Variants in ZNF91 observed in about 807,000 individuals in gnomAD.
ZNF91 encodes zinc finger protein 91 (HPF7, HTF10).
In ZNF91, 7 loss-of-function variants were observed where a neutral mutation model predicts 12.6. The ratio of observed to expected loss-of-function variants is 0.55; its 90% CI spans 0.31 to 1.04. The LOEUF is 1.04. ZNF91 is among the 50% of genes least tolerant of loss of function. The pLI is 0.05. For synonymous variants in ZNF91, 453 were observed against 462.6 expected, an observed-to-expected ratio of 0.98 and a Z score of 0.27; for missense variants, 1,217 against 1,385.4, an observed-to-expected ratio of 0.88 and a Z score of 1.93.
chr19:23,362,207 T>C lies in ZNF91; in HGVS notation c.772A>G (p.Ile258Val), dbSNP rs1016784727. Reference protein sequence around the residue: ...KQLSTLTTHKIICAKEKIYKC... With the variant: ...KQLSTLTTHKVICAKEKIYKC... ...TAGATTTTCTCTTTAGCACAGATTA[T>C]TTTATGTGTAGTAAGGGTTGAGAGC... The change falls in exon 4 of 4, where the codon ATA (isoleucine) becomes GTA (valine). Residue 258 changes from isoleucine (I) to valine (V), a missense_variant. Transcript: ENST00000300619. 1 of 1,613,036 alleles carries C rather than the reference T, an allele frequency of 6.2e-7. No individual in the cohort carries two copies. The highest frequency in any genetic ancestry group is 8.5e-7 in the Non-Finnish European group (1 of 1,179,322).
chr19:23,393,738 G>A (rs746204423), intron 1 of ZNF91, among the ~76,000 whole-genome samples: 2 of 152,126 alleles, frequency 1.3e-5, no homozygotes, highest in African/African-American at 2.4e-5. Flanking sequence ...GGTGGCTCAC[G>A]TCTGTAATCC....
At chr19:23,333,085 C>G (rs1433710149) in intron 1 of ZNF91, among the ~76,000 whole-genome samples, 1 of 152,126 alleles carries the variant, frequency 6.6e-6, no homozygotes, top group Non-Finnish European at 1.5e-5. Flanking sequence ...ATGGGGGACT[C>G]TCTTATCTTT....
downstream of ZNF91, among the ~76,000 whole-genome samples, chr19:23,353,686 A>G (rs1195107031): frequency 1.3e-5 from 2 of 152,226 alleles, no homozygotes; most frequent in African/African-American, 4.8e-5. Context: ...AAGATAAATA[A>G]AACTGATAGA....
Position 23,395,316 on chromosome 19 carries a change from C to G in ZNF91, c.30+9G>C. On this transcript the variant is annotated intron_variant, in intron 1 of 3. Transcript: ENST00000300619. Reference sequence around the variant, plus strand: ...CCCTCTCTCGGGACGTCGCACCTGGCAGTCTCACCATTTCTAGGCTTCCAG... The same window carrying G: ...CCCTCTCTCGGGACGTCGCACCTGGGAGTCTCACCATTTCTAGGCTTCCAG... 6.2e-7 allele frequency: 1 copy of G among 1,613,518 alleles called. No homozygotes were observed. The highest frequency in any genetic ancestry group is 1.1e-5 in the South Asian group (1 of 91,064).
At chr19:23,319,043 G>A (rs1474177356) in intron 1 of ZNF91, among the ~76,000 whole-genome samples, 1 of 152,130 alleles carries the variant, frequency 6.6e-6, no homozygotes, top group Middle Eastern at 3.2e-3. Context: ...CTACCTACAG[G>A]GAGCATGGGT....
intron 1 of ZNF91, among the ~76,000 whole-genome samples, chr19:23,318,183 C>A (rs955148253): frequency 3.3e-5 from 5 of 152,128 alleles, no homozygotes; most frequent in Admixed American, 3.3e-4. Flanking sequence ...TTGTGACACC[C>A]AAGTTATGTG....
intron 3 of ZNF91, chr19:23,339,942 C>CAAAAAAAAAAAAAAAAAAAAA: frequency 1.0e-5 from 1 of 98,184 alleles, no homozygotes. Context: ...AAACCTATCT[C>CAAAAAAAAAAAAAAAAAAAAA]AAAAAAAAAA....
At chr19:23,357,569 C>T (rs1001803273), downstream of ZNF91, 12 of 152,174 alleles carry the variant, frequency 7.9e-5, no homozygotes, top group Admixed American at 6.5e-4. Flanking sequence ...CTTAGACTAA[C>T]AGATGTGTAT....
At position 23,361,336 on chromosome 19, in the gene ZNF91, C is replaced by T; in HGVS notation, c.1643G>A (p.Cys548Tyr). 1.2e-6 allele frequency: 2 copies of T among 1,613,528 alleles called. No homozygotes were observed. Among genetic ancestry groups the T allele is most frequent in the Non-Finnish European group, 1.7e-6 (2 of 1,179,788 alleles). Residue 548 changes from cysteine to tyrosine, a missense_variant, in exon 4 of 4, where the codon TGT becomes TAT. This residue lies in a region of ZNF91 where 726 missense variants were observed against 895.5 expected (regional missense o/e 0.81). Transcript: ENST00000300619. Reference protein sequence around the residue: ...IIHSREKPYKCKECGKAFKQF... With the variant: ...IIHSREKPYKYKECGKAFKQF... ...CTTAAAAGCTTTGCCACATTCTTTA[C>T]ATTTGTAGGGTTTCTCTCTACTATG... is the stretch of plus-strand genomic sequence containing the variant.
chr19:23,323,402 TTTTC>T (rs1158199841), intron 1 of ZNF91, among the ~76,000 whole-genome samples: 1 of 129,210 alleles, frequency 7.7e-6, no homozygotes, highest in African/African-American at 3.1e-5. Context: ...TTCCCCCTCC[TTTTC>T]TTTGTTCCTA....
rs750879342 is a variant in ZNF91, at chr19:23,362,616, C to T, written c.363G>A (p.Gln121=). 5 of 1,590,210 alleles carry T rather than the reference C, an allele frequency of 3.1e-6. No individual in the cohort carries two copies. Among genetic ancestry groups the T allele is most frequent in the Non-Finnish European group, 4.3e-6 (5 of 1,172,216 alleles). The change falls in exon 4 of 4, where the codon CAG becomes CAA. Residue 121 remains glutamine, a synonymous_variant. Transcript: ENST00000300619. ...KYEKCGHENL[Q]LRKGCKSVDE... is the part of the protein sequence containing the mutation. ...CCACACTTTTACAACCTTTTCTTAA[C>T]TGTAAATTCTCATGTCCACATTTTT...
At chr19:23,368,582 T>A (rs1969126500) in intron 3 of ZNF91, among the ~76,000 whole-genome samples, 2 of 134,994 alleles carry the variant, frequency 1.5e-5, no homozygotes, top group East Asian at 2.4e-4. Flanking sequence ...ATGAAACACA[T>A]GACATTAGTC....
chr19:23,371,152 C>T (rs1969261616), intron 3 of ZNF91, among the ~76,000 whole-genome samples: 1 of 152,034 alleles, frequency 6.6e-6, no homozygotes, highest in Admixed American at 6.6e-5. Context: ...ACCAGCCTAA[C>T]CAACATGAGA....
intron 1 of ZNF91, among the ~76,000 whole-genome samples, chr19:23,323,159 C>T (rs1296616236): frequency 6.7e-6 from 1 of 149,412 alleles, no homozygotes; most frequent in Non-Finnish European, 1.5e-5. Flanking sequence ...GCCTCTCCTC[C>T]TCTCCACCTT....
chr19:23,305,980 C>A (rs1240952479), intron 3 of ZNF91, among the ~76,000 whole-genome samples: 3 of 152,184 alleles, frequency 2.0e-5, no homozygotes, highest in Non-Finnish European at 4.4e-5. Flanking sequence ...ACATCTGCAC[C>A]CTTAGAATAT....
downstream of ZNF91, among the ~76,000 whole-genome samples, chr19:23,354,103 T>A (rs1333256246): frequency 6.6e-6 from 1 of 152,150 alleles, no homozygotes; most frequent in African/African-American, 2.4e-5. Flanking sequence ...GAGGTCAGCA[T>A]CACCCTAATA....
intron 1 of ZNF91, among the ~76,000 whole-genome samples, chr19:23,390,485 C>T (rs1004416443): frequency 3.3e-5 from 5 of 151,864 alleles, no homozygotes; most frequent in Non-Finnish European, 7.4e-5. Flanking sequence ...GCGGAAAAAC[C>T]CTTTTCATTA....
chr19:23,336,391 T>C (rs779874462), downstream of ZNF91, among the ~76,000 whole-genome samples: 9 of 152,306 alleles, frequency 5.9e-5, no homozygotes, highest in African/African-American at 9.6e-5. Flanking sequence ...CTGATTTACA[T>C]AGGGGCCAAA....
At position 23,391,702 on chromosome 19, in the gene ZNF91, G is replaced by A. The variant is rs188660189; in HGVS notation, c.30+3623C>T. ...TTATATTAATCTTAACTGCATCTGC[G>A]TGTGGGTTGCCAGCTTTCCAGGGCT... On this transcript the variant is annotated intron_variant, in intron 1 of 3. Coordinates refer to ENST00000300619, the MANE Select transcript of ZNF91 (RefSeq NM_003430.4). 1.7e-4 allele frequency among the ~76,000 whole-genome samples: 26 copies of A among 152,200 alleles called. 1 individual carries two copies. The highest frequency in any genetic ancestry group is 4.6e-4 in the Admixed American group (7 of 15,288).
Sources: allele counts gnomAD v4.1 joint callset (sites outside exome capture counted in the v4.1 genomes callset), GRCh38; gene constraint gnomAD v4.1.1; regional missense constraint gnomAD v4.1.1; transcripts MANE v1.5; gene names NCBI Gene and HGNC (gene_info 2026-07-23, HGNC 2026-07-21).